ZBTB46: variants seen among roughly 807,000 people sequenced by gnomAD.
The protein encoded by ZBTB46 is zinc finger and BTB domain containing 46, also known as zinc finger and BTB domain-containing protein 46.
ZBTB46 carries 8 observed loss-of-function variants against 44.1 expected under a neutral mutation model. The observed-to-expected ratio is 0.18, with a 90% CI of 0.11 to 0.33. The LOEUF (loss-of-function observed/expected upper bound fraction) is 0.33, where lower values mean the gene tolerates loss of function less well. Ranked by LOEUF, ZBTB46 falls within the 10% of genes least tolerant of loss-of-function variation. ZBTB46 has a pLI of 1.00. For missense variants in ZBTB46, 651 were observed against 847.7 expected, an observed-to-expected ratio of 0.77 and a Z score of 2.88; for synonymous variants, 409 against 382.3, an observed-to-expected ratio of 1.07 and a Z score of -0.81.
chr20:63,792,423 A>ACAGGGC (rs1555849423), intron 1 of ZBTB46, among the ~76,000 whole-genome samples: 2 of 151,586 alleles, frequency 1.3e-5, no homozygotes, highest in East Asian at 1.9e-4. Flanking sequence ...CTCATGGGGG[A>ACAGGGC]CGGGGTCGGG....
intron 1 of ZBTB46, among the ~76,000 whole-genome samples, chr20:63,816,119 C>A (rs1284678615): frequency 6.8e-6 from 1 of 147,494 alleles, no homozygotes; most frequent in African/African-American, 2.5e-5. Context: ...GCAGTGGGCG[C>A]AGGTGGGCGC....
At chr20:63,816,103 G>A (rs4997554) in intron 1 of ZBTB46, among the ~76,000 whole-genome samples, 29 of 141,256 alleles carry the variant, frequency 2.1e-4, no homozygotes, top group East Asian at 9.9e-4. Flanking sequence ...TGCAGTGGGC[G>A]CAGGTGCAGT....
At chr20:63,757,481 G>C (rs1445699965) in intron 3 of ZBTB46, among the ~76,000 whole-genome samples, 2 of 152,054 alleles carry the variant, frequency 1.3e-5, no homozygotes, top group Non-Finnish European at 2.9e-5. Flanking sequence ...ATCTTGAAAA[G>C]ACCATCTGTC....
At chr20:63,798,673 T>TAAAAA (rs1568882836) in intron 1 of ZBTB46, among the ~76,000 whole-genome samples, 1 of 2,026 alleles carries the variant, frequency 4.9e-4, no homozygotes, top group African/African-American at 1.8e-3. Context: ...AGACTCTGTC[T>TAAAAA]CAAAAAAAAA....
chr20:63,750,411 T>A (rs942348266), intron 4 of ZBTB46, among the ~76,000 whole-genome samples: 22 of 151,768 alleles, frequency 1.4e-4, no homozygotes, highest in South Asian at 4.2e-4. Flanking sequence ...TTTTTTTTTT[T>A]AATTTTTTGT....
chr20:63,753,957 T>C (rs979261135), intron 3 of ZBTB46, among the ~76,000 whole-genome samples: 3 of 152,184 alleles, frequency 2.0e-5, no homozygotes, highest in African/African-American at 4.8e-5. Context: ...CAGTCCCCAC[T>C]TGCCCTGCAG....
chr20:63,784,938 A>G (rs1330022206), intron 2 of ZBTB46, among the ~76,000 whole-genome samples: 1 of 152,180 alleles, frequency 6.6e-6, no homozygotes, highest in Non-Finnish European at 1.5e-5. Context: ...GTGTCCTTAG[A>G]AAAGAGACTT....
chr20:63,775,754 C>A lies in ZBTB46; in HGVS notation c.1146G>T (p.Ser382=). 1 of 1,612,752 alleles carries A rather than the reference C, an allele frequency of 6.2e-7. No homozygotes were observed. Among genetic ancestry groups the A allele is most frequent in the Non-Finnish European group, 8.5e-7 (1 of 1,179,514 alleles). ...AALMSKNSLL[S]LKADVLGDDG... ...CATCCCCCAGCACGTCGGCCTTCAGCGACAGCAGGCTGTTCTTACTCATGA... is the reference window on the plus strand; with the variant it reads ...CATCCCCCAGCACGTCGGCCTTCAGAGACAGCAGGCTGTTCTTACTCATGA... The change falls in exon 3 of 5, where the codon TCG becomes TCT. Residue 382 remains serine, a synonymous_variant. Coordinates refer to ENST00000245663, the MANE Select transcript of ZBTB46 (RefSeq NM_001369741.1).
intron 3 of ZBTB46, among the ~76,000 whole-genome samples, chr20:63,764,625 G>T (rs112801669): frequency 4.0e-5 from 6 of 149,748 alleles, no homozygotes; most frequent in African/African-American, 1.5e-4. Flanking sequence ...TTTTTGAGAC[G>T]GAGTTTCGCT....
chr20:63,796,290 G>A (rs1169828685), intron 1 of ZBTB46, among the ~76,000 whole-genome samples: 1 of 152,236 alleles, frequency 6.6e-6, no homozygotes, highest in Non-Finnish European at 1.5e-5. Flanking sequence ...AGGGCACAAG[G>A]CAGGGAGGGC....
chr20:63,815,655 G>GT (rs2092747539), intron 1 of ZBTB46, among the ~76,000 whole-genome samples: 1 of 147,788 alleles, frequency 6.8e-6, no homozygotes, highest in African/African-American at 2.5e-5. Context: ...GTGGGCATAG[G>GT]TGCAGTGAGT....
intron 1 of ZBTB46, among the ~76,000 whole-genome samples, chr20:63,792,239 A>G (rs1322556195): frequency 1.3e-5 from 2 of 152,208 alleles, no homozygotes; most frequent in African/African-American, 4.8e-5. Context: ...CGTTCACCCC[A>G]CAGCCCTGCC....
In ZBTB46 at chr20:63,787,110, A is replaced by C. The variant is rs1601468067; in HGVS notation, c.937+2711T>G. Among the ~76,000 whole-genome samples the C allele has an allele frequency of 6.6e-6, 1 of 152,202 alleles. No homozygotes were observed. Among genetic ancestry groups the C allele is most frequent in the African/African-American group, 2.4e-5 (1 of 41,460 alleles). Reference sequence around the variant, plus strand: ...GAGGAAGGTACTGTATGACGGATACAGTTTCCCTTTGGGATGATGGAAAAG... The same window carrying C: ...GAGGAAGGTACTGTATGACGGATACCGTTTCCCTTTGGGATGATGGAAAAG... On this transcript the variant is annotated intron_variant, in intron 2 of 4. Transcript: ENST00000245663. This position sits in a 1 kb window ranked among gnomAD's most constrained non-coding sequence, Gnocchi z 4.6.
intron 1 of ZBTB46, among the ~76,000 whole-genome samples, chr20:63,827,514 A>G (rs1001239158): frequency 3.3e-5 from 5 of 151,110 alleles, no homozygotes; most frequent in Non-Finnish European, 7.4e-5. Context: ...AGGCTGAGGC[A>G]GGAGAATGGC....
chr20:63,811,020 G>C (rs544905836), intron 1 of ZBTB46, among the ~76,000 whole-genome samples: 55 of 152,250 alleles, frequency 3.6e-4, no homozygotes, highest in Non-Finnish European at 6.8e-4. Flanking sequence ...GCACCAGCCG[G>C]CGTCCGTGTT....
upstream of ZBTB46, among the ~76,000 whole-genome samples, chr20:63,832,644 G>A (rs997168542): frequency 5.3e-5 from 8 of 152,120 alleles, no homozygotes; most frequent in Non-Finnish European, 1.0e-4. This position sits in a 1 kb window ranked among gnomAD's most constrained non-coding sequence, Gnocchi z 5.0. Context: ...ATGGCTGTGC[G>A]GACACCCCGT....
At chr20:63,799,922 G>T (rs1451013063) in intron 1 of ZBTB46, among the ~76,000 whole-genome samples, 2 of 152,170 alleles carry the variant, frequency 1.3e-5, no homozygotes, top group African/African-American at 4.8e-5. Context: ...GAACTCCACA[G>T]GACCCAACAA....
intron 3 of ZBTB46, among the ~76,000 whole-genome samples, chr20:63,770,361 G>A (rs1291172775): frequency 2.0e-5 from 3 of 152,154 alleles, no homozygotes; most frequent in African/African-American, 7.2e-5. Context: ...ACAGAGAGGA[G>A]GCCCGCCTAC....
chr20:63,758,967 C>T (rs1244905008), intron 3 of ZBTB46, among the ~76,000 whole-genome samples: 3 of 152,176 alleles, frequency 2.0e-5, no homozygotes, highest in Admixed American at 2.0e-4. Context: ...CTCCTGACCT[C>T]GTGATCCGGC....
Sources: gnomAD v4.1 joint callset for allele counts (sites outside exome capture counted in the v4.1 genomes callset) on GRCh38, gnomAD v4.1.1 for gene constraint, Gnocchi (gnomAD v3.1) non-coding constraint, MANE v1.5 for transcripts, NCBI Gene and HGNC (gene_info 2026-07-23, HGNC 2026-07-21) for gene names.